Variants in FGF13 observed in about 807,000 individuals in gnomAD.
FGF13 encodes the protein fibroblast growth factor 13.
Under a neutral mutation model 19.5 loss-of-function variants are expected in FGF13, and 2 were observed. The ratio of observed to expected loss-of-function variants is 0.10; its 90% CI spans 0.04 to 0.32. FGF13 has a LOEUF of 0.32. Among genes scored for constraint, FGF13 ranks in the 10% least tolerant of loss-of-function variants. The pLI is 1.00. For synonymous variants in FGF13, 72 were observed against 76.9 expected (o/e 0.94, Z 0.33); for missense variants, 113 against 192.7 (o/e 0.59, Z 2.45).
At position 138,866,025 on chromosome X, in the gene FGF13, G is replaced by A. The variant is rs180738269; in HGVS notation, c.-112-1375C>T. Among the ~76,000 whole-genome samples, 5 of 112,576 alleles carry A rather than the reference G, an allele frequency of 4.4e-5. No individual in the cohort carries two copies. The South Asian group carries it at 1.5e-3, about 33-fold the overall frequency. On this transcript the variant is annotated intron_variant, in intron 1 of 2. Coordinates refer to the FGF13 transcript ENST00000421460. ...AATAAAATGGTACCAAGAACTAATT[G>A]GAAATCTTGTTGGTGAATGTCTAGT... is the stretch of plus-strand genomic sequence containing the variant.
intron 3 of FGF13, among the ~76,000 whole-genome samples, chrX:138,764,159 T>A (rs910457861): frequency 4.5e-5 from 5 of 111,844 alleles, no homozygotes; most frequent in African/African-American, 1.6e-4. Context: ...GAATCCAGCA[T>A]CTCAGGAACA....
chrX:139,139,555 A>G (rs1435751289), intron 1 of FGF13, among the ~76,000 whole-genome samples: 6 of 112,596 alleles, frequency 5.3e-5, no homozygotes, highest in African/African-American at 1.9e-4. Flanking sequence ...GGATTGCACA[A>G]TGGTGATGGA....
At chrX:138,656,430 G>A (rs1267487477) in intron 3 of FGF13, among the ~76,000 whole-genome samples, 2 of 111,430 alleles carry the variant, frequency 1.8e-5, no homozygotes, top group African/African-American at 3.3e-5. Context: ...TGTTAGGGGG[G>A]AATAGCAGAG....
chrX:138,955,345 T>C (rs1261078438), intron 1 of FGF13, among the ~76,000 whole-genome samples: 1 of 112,216 alleles, frequency 8.9e-6, no homozygotes, highest in Non-Finnish European at 1.9e-5. Context: ...TCAACAGGGA[T>C]ACAGATAATT....
intron 1 of FGF13, among the ~76,000 whole-genome samples, chrX:139,058,275 G>A (rs2092325843): frequency 8.9e-6 from 1 of 111,792 alleles, no homozygotes; most frequent in African/African-American, 3.2e-5. Context: ...TCCTGTGGCT[G>A]GCACTCTGGG....
At chrX:138,959,562 G>A (rs1004996092) in intron 1 of FGF13, among the ~76,000 whole-genome samples, 16 of 111,187 alleles carry the variant, frequency 1.4e-4, no homozygotes, top group South Asian at 3.8e-4. Context: ...CTGAGTTCAC[G>A]TCCTGGATAT....
At chrX:139,082,463 G>T (rs1226834469) in intron 1 of FGF13, among the ~76,000 whole-genome samples, 2 of 111,830 alleles carry the variant, frequency 1.8e-5, no homozygotes, top group East Asian at 5.6e-4. Flanking sequence ...CAAATTAAAT[G>T]AGGTCATGCT....
intron 1 of FGF13, among the ~76,000 whole-genome samples, chrX:138,944,935 A>G (rs1226183427): frequency 9.0e-6 from 1 of 110,888 alleles, no homozygotes; most frequent in East Asian, 2.8e-4. Flanking sequence ...AAACTTATGT[A>G]TTGAGTGTCC....
intron 3 of FGF13, among the ~76,000 whole-genome samples, chrX:138,762,671 C>A (rs2090476025): frequency 9.0e-6 from 1 of 111,465 alleles, no homozygotes; most frequent in African/African-American, 3.3e-5. Flanking sequence ...CAACAATAGG[C>A]AAGTCACTTA....
At chrX:138,692,510 A>G (rs1427196136) in intron 3 of FGF13, among the ~76,000 whole-genome samples, 1 of 110,669 alleles carries the variant, frequency 9.0e-6, no homozygotes, top group Non-Finnish European at 1.9e-5. Flanking sequence ...TAAAGCTAAA[A>G]AGTCATATTT....
chrX:139,000,551 CAGAG>C (rs1401394661), intron 1 of FGF13, among the ~76,000 whole-genome samples: 1 of 111,437 alleles, frequency 9.0e-6, no homozygotes, highest in Non-Finnish European at 1.9e-5. Context: ...AACAGACAAA[CAGAG>C]AGCAAAATCA....
chrX:139,054,839 T>A (rs770577523), intron 1 of FGF13, among the ~76,000 whole-genome samples: 39 of 107,873 alleles, frequency 3.6e-4, no homozygotes, highest in Non-Finnish European at 5.7e-4. Context: ...GTCTTTAACC[T>A]CCTTGGTTAG....
At chrX:139,087,588 T>C (rs562513801) in intron 1 of FGF13, among the ~76,000 whole-genome samples, 2 of 112,248 alleles carry the variant, frequency 1.8e-5, no homozygotes, top group African/African-American at 6.5e-5. Context: ...GATGGTTATA[T>C]TGAGCAAAGT....
chrX:138,734,090 T>C (rs1229401233), intron 1 of FGF13, among the ~76,000 whole-genome samples: 1 of 111,754 alleles, frequency 8.9e-6, no homozygotes, highest in Non-Finnish European at 1.9e-5. Flanking sequence ...CAGTACTGCA[T>C]ACCTAGAAGC....
intron 1 of FGF13, among the ~76,000 whole-genome samples, chrX:138,870,803 G>C (rs1416853950): frequency 8.9e-6 from 1 of 112,522 alleles, no homozygotes; most frequent in Non-Finnish European, 1.9e-5. Flanking sequence ...GAAGCCATGT[G>C]CCAAAGAGTA....
At chrX:138,652,833 A>G (rs2089390491) in intron 3 of FGF13, among the ~76,000 whole-genome samples, 1 of 112,283 alleles carries the variant, frequency 8.9e-6, no homozygotes, top group Non-Finnish European at 1.9e-5. Flanking sequence ...CAGGTAATTA[A>G]TCATTAAAAG....
At chrX:138,656,228 G>A (rs2089436158) in intron 3 of FGF13, among the ~76,000 whole-genome samples, 1 of 111,645 alleles carries the variant, frequency 9.0e-6, no homozygotes, top group Non-Finnish European at 1.9e-5. Flanking sequence ...TTTAGTAAGA[G>A]CATCCTAGAC....
intron 1 of FGF13, among the ~76,000 whole-genome samples, chrX:138,903,081 C>A (rs910878425): frequency 1.8e-5 from 2 of 111,832 alleles, no homozygotes; most frequent in Admixed American, 1.9e-4. Flanking sequence ...TGCATACAAA[C>A]TTCTAGGACA....
At chrX:138,935,150 T>C (rs1451213450) in intron 1 of FGF13, among the ~76,000 whole-genome samples, 2 of 110,625 alleles carry the variant, frequency 1.8e-5, no homozygotes, top group Non-Finnish European at 3.8e-5. Context: ...GGAAACTTTG[T>C]TGGGCGGCCC....
Sources: gnomAD v4.1 joint callset for allele counts (sites outside exome capture counted in the v4.1 genomes callset) on GRCh38, gnomAD v4.1.1 for gene constraint, MANE v1.5 for transcripts, NCBI Gene and HGNC (gene_info 2026-07-23, HGNC 2026-07-21) for gene names.